SH3BGR: variants seen among roughly 807,000 people sequenced by gnomAD.
The protein encoded by SH3BGR is SH3 domain-binding glutamic acid-rich protein.
A neutral mutation model predicts 24.5 loss-of-function variants in SH3BGR; 29 were observed. The observed-to-expected ratio is 1.18, with a 90% CI of 0.88 to 1.61. The LOEUF is 1.61. SH3BGR is among the 40% of genes most tolerant of loss of function. The probability of loss-of-function intolerance (pLI) is 0.00; values close to 1 mark genes in which losing one functional copy is unlikely to be tolerated. For missense variants in SH3BGR, 162 were observed against 205.8 expected, an observed-to-expected ratio of 0.79 and a Z score of 1.30; for synonymous variants, 55 against 65.7, an observed-to-expected ratio of 0.84 and a Z score of 0.79.
At chr21:39,490,669 C>T (rs916601487) in intron 3 of SH3BGR, among the ~76,000 whole-genome samples, 2 of 151,618 alleles carry the variant, frequency 1.3e-5, no homozygotes, top group Non-Finnish European at 2.9e-5. Flanking sequence ...CCATCGATTT[C>T]CTTTCAACTT....
upstream of SH3BGR, among the ~76,000 whole-genome samples, chr21:39,451,531 A>C (rs568571029): frequency 2.0e-5 from 3 of 152,304 alleles, no homozygotes; most frequent in African/African-American, 7.2e-5. Flanking sequence ...GCCAGGAAAA[A>C]AAACAAAGTT....
At chr21:39,467,779 T>A (rs879679022) in intron 2 of SH3BGR, among the ~76,000 whole-genome samples, 1 of 152,192 alleles carries the variant, frequency 6.6e-6, no homozygotes, top group South Asian at 2.1e-4. Context: ...GTAGATTTCA[T>A]TGGGCAGTGA....
chr21:39,505,528 T>A (rs1215272557), intron 4 of SH3BGR, among the ~76,000 whole-genome samples: 4 of 152,162 alleles, frequency 2.6e-5, no homozygotes, highest in Admixed American at 1.3e-4. Flanking sequence ...TTCGGGAGGC[T>A]GAAGCGGGTG....
intron 2 of SH3BGR, among the ~76,000 whole-genome samples, chr21:39,464,945 A>G (rs971842244): frequency 2.6e-5 from 4 of 152,158 alleles, no homozygotes; most frequent in Non-Finnish European, 4.4e-5. Context: ...GTGATTCAAA[A>G]TGGTATCTAG....
chr21:39,451,723 C>T (rs1375129217), upstream of SH3BGR: 4 of 755,528 alleles, frequency 5.3e-6, no homozygotes, highest in Non-Finnish European at 8.4e-6. Flanking sequence ...CCCCACCTCC[C>T]TTGGCCCCAA....
At chr21:39,496,392 C>T (rs4818039) in intron 3 of SH3BGR, among the ~76,000 whole-genome samples, 62,569 of 149,856 alleles carry the variant, frequency 0.42, 15,731 homozygotes, top group East Asian at 0.67. Context: ...CCCAGCTACT[C>T]GGGAGGCTGA....
At chr21:39,462,241 T>C in intron 1 of SH3BGR, 134 bp from the exon 2 acceptor site, 1 of 630,348 alleles carries the variant, frequency 1.6e-6, no homozygotes, top group Non-Finnish European at 2.7e-6. Context: ...GGTGTGATTC[T>C]ATTATTTTCC....
intron 1 of SH3BGR, among the ~76,000 whole-genome samples, chr21:39,458,281 T>A (rs1360519877): frequency 6.6e-6 from 1 of 152,176 alleles, no homozygotes; most frequent in Non-Finnish European, 1.5e-5. Flanking sequence ...AAAATTGAGA[T>A]ATTAGATACT....
In SH3BGR at chr21:39,510,185, G is replaced by T. The variant is rs1046241595; in HGVS notation, c.435+1158G>T. On this transcript the variant is annotated intron_variant, in intron 5 of 6. Transcript: ENST00000333634. ...TCTCGATCTCCTGACCTTGTGATCC[G>T]CCCGCCTCGGCCTCCCAAAGTGCTG... is the stretch of plus-strand genomic sequence containing the variant. 2.4e-5 allele frequency among the ~76,000 whole-genome samples: 3 copies of T among 125,986 alleles called. 1 individual carries two copies. Among genetic ancestry groups the T allele is most frequent in the Admixed American group, 1.5e-4 (2 of 13,278 alleles). 82.7% of individuals were successfully genotyped at this position (125,986 alleles called of 152,430 possible). A position where few individuals can be genotyped will look rare whatever the true frequency, so the allele number is the denominator to read the frequency against.
intron 3 of SH3BGR, among the ~76,000 whole-genome samples, chr21:39,498,532 T>G (rs16997736): frequency 0.024 from 3,625 of 152,286 alleles, 152 homozygotes; most frequent in African/African-American, 0.083. Flanking sequence ...AAATATAGTT[T>G]GAATAGTTAA....
chr21:39,487,267 C>G (rs1269422323), intron 3 of SH3BGR, among the ~76,000 whole-genome samples: 1 of 152,154 alleles, frequency 6.6e-6, no homozygotes, highest in Admixed American at 6.5e-5. Context: ...CACAGCTTCC[C>G]TAGTAACTGG....
At chr21:39,447,416 C>CATTTTTTTTTTTTT (rs1227234170), upstream of SH3BGR, among the ~76,000 whole-genome samples, 2 of 114,710 alleles carry the variant, frequency 1.7e-5, no homozygotes. Context: ...TTCGCTTTTG[C>CATTTTTTTTTTTTT]TTTTTTTTTT....
At chr21:39,467,527 A>G (rs1359028935) in intron 2 of SH3BGR, among the ~76,000 whole-genome samples, 4 of 152,182 alleles carry the variant, frequency 2.6e-5, no homozygotes, top group African/African-American at 9.6e-5. Context: ...CTTTGTTTCC[A>G]GAAAGTAGGT....
At chr21:39,491,523 G>A in intron 3 of SH3BGR, 1 of 249,848 alleles carries the variant, frequency 4.0e-6, no homozygotes, top group Non-Finnish European at 7.9e-6. Context: ...TTTTTCTTCA[G>A]TCTTCTAAGG....
At chr21:39,448,543 TTC>T, upstream of SH3BGR, among the ~76,000 whole-genome samples, 1 of 152,180 alleles carries the variant, frequency 6.6e-6, no homozygotes, top group East Asian at 1.9e-4. Context: ...GAACTCCTGT[TTC>T]CTAAAATGAG....
intron 4 of SH3BGR, among the ~76,000 whole-genome samples, chr21:39,508,192 T>G (rs1337845264): frequency 6.6e-6 from 1 of 152,232 alleles, no homozygotes; most frequent in Non-Finnish European, 1.5e-5. Flanking sequence ...GCCTGAATTG[T>G]AAGGCATTAG....
intron 3 of SH3BGR, among the ~76,000 whole-genome samples, chr21:39,479,531 C>T (rs2078097586): frequency 6.6e-6 from 1 of 151,868 alleles, no homozygotes; most frequent in Admixed American, 6.6e-5. Context: ...AATCTGGCTG[C>T]CAGTGTTCTA....
chr21:39,492,085 T>A (rs1157454948), intron 3 of SH3BGR, among the ~76,000 whole-genome samples: 1 of 152,240 alleles, frequency 6.6e-6, no homozygotes, highest in Non-Finnish European at 1.5e-5. Context: ...ATGTATTTTT[T>A]AAGTTTTTTA....
chr21:39,446,384 G>A (rs1036857493), intron 1 of SH3BGR, among the ~76,000 whole-genome samples: 1 of 152,154 alleles, frequency 6.6e-6, no homozygotes, highest in East Asian at 1.9e-4. Flanking sequence ...CTGCATCAAA[G>A]CCATGTTGAA....
Sources: allele counts gnomAD v4.1 joint callset (sites outside exome capture counted in the v4.1 genomes callset), GRCh38; gene constraint gnomAD v4.1.1; transcripts MANE v1.5; gene names NCBI Gene and HGNC (gene_info 2026-07-23, HGNC 2026-07-21).